Variants in DLG2 observed in about 807,000 individuals in gnomAD.
The protein encoded by DLG2 is disks large homolog 2.
Under a neutral mutation model 132.5 loss-of-function variants are expected in DLG2, and 45 were observed. That is an observed-to-expected ratio of 0.34 (90% CI 0.27 to 0.44). DLG2 has a LOEUF of 0.44. DLG2 is among the 20% of genes least tolerant of loss of function. The pLI, the probability that DLG2 is intolerant of heterozygous loss-of-function variation, is 1.00. For missense variants in DLG2, 1,045 were observed against 1,196.9 expected (o/e 0.87, Z 1.87); for synonymous variants, 424 against 419.6 (o/e 1.01, Z -0.13).
At position 84,445,058 on chromosome 11, in the gene DLG2, T is replaced by G. The variant is rs540353090; in HGVS notation, c.519+89512A>C. Among the ~76,000 whole-genome samples the G allele has an allele frequency of 5.3e-5, 8 of 152,272 alleles. No individual in the cohort carries two copies. In the South Asian group the frequency reaches 1.7e-3, roughly 32 times the overall value. On this transcript the variant is annotated intron_variant, in intron 7 of 27. Coordinates refer to ENST00000376104, the MANE Select transcript of DLG2 (RefSeq NM_001142699.3). ...CCTCAGGCAGACCAGGTAATCCGCCTGCCTCGGCTTCCCAAAGTACTGGGA... is the reference window on the plus strand; with the variant it reads ...CCTCAGGCAGACCAGGTAATCCGCCGGCCTCGGCTTCCCAAAGTACTGGGA...
chr11:84,084,730 T>C (rs1594892685), intron 10 of DLG2, among the ~76,000 whole-genome samples: 1 of 145,160 alleles, frequency 6.9e-6, no homozygotes, highest in African/African-American at 2.9e-5. Context: ...TTTTTGTTAA[T>C]TTATTCTATT....
At chr11:85,438,789 T>G (rs2091625270) in intron 3 of DLG2, among the ~76,000 whole-genome samples, 1 of 152,182 alleles carries the variant, frequency 6.6e-6, no homozygotes, top group East Asian at 1.9e-4. Flanking sequence ...ACTGAACAGC[T>G]GAATCGCAAG....
chr11:84,654,599 C>G (rs1408415244), intron 6 of DLG2, among the ~76,000 whole-genome samples: 2 of 152,120 alleles, frequency 1.3e-5, no homozygotes, highest in Non-Finnish European at 2.9e-5. Flanking sequence ...TACCATTTTT[C>G]CAACTGTATT....
At position 84,252,136 on chromosome 11, in the gene DLG2, CTTTCTT is replaced by C. The variant is rs2097388860; in HGVS notation, c.520-851_520-846del. ...GCGTGCTGTATCCTGTATTTTCTTT[CTTTCTT>C]TTTTTTTTTTTTTTTTTTTTTTTTT... On this transcript the variant is annotated intron_variant, in intron 7 of 27. Coordinates refer to ENST00000376104, the MANE Select transcript of DLG2 (RefSeq NM_001142699.3). Among the ~76,000 whole-genome samples, 47 of 101,060 alleles carry C rather than the reference CTTTCTT, an allele frequency of 4.7e-4. No homozygotes were observed. The South Asian group carries it at 0.014, about 30-fold the overall frequency. The allele number at this position is 101,060 out of a possible 152,430, so 66.3% of individuals were successfully genotyped here.
At chr11:83,570,196 C>T (rs1239641672) in intron 19 of DLG2, among the ~76,000 whole-genome samples, 1 of 152,268 alleles carries the variant, frequency 6.6e-6, no homozygotes, top group East Asian at 1.9e-4. Context: ...AACTCATATG[C>T]CGATTACAAG....
At chr11:85,378,237 A>T (rs1388394450) in intron 3 of DLG2, among the ~76,000 whole-genome samples, 1 of 152,148 alleles carries the variant, frequency 6.6e-6, no homozygotes, top group Non-Finnish European at 1.5e-5. Context: ...ACATATTTCC[A>T]TTCCTCTAGT....
intron 18 of DLG2, among the ~76,000 whole-genome samples, chr11:83,730,516 A>T (rs565105916): frequency 6.6e-6 from 1 of 152,246 alleles, no homozygotes; most frequent in African/African-American, 2.4e-5. Flanking sequence ...CAGCACATAG[A>T]TTTACAAAGA....
At chr11:84,476,099 ACTCT>A (rs1325331110) in intron 7 of DLG2, among the ~76,000 whole-genome samples, 7 of 152,082 alleles carry the variant, frequency 4.6e-5, no homozygotes, top group Non-Finnish European at 7.4e-5. Context: ...GTTATTATCT[ACTCT>A]CTAAGAACAT....
At position 84,606,958 on chromosome 11, in the gene DLG2, T is replaced by G. The variant is rs79440870; in HGVS notation, c.358-72227A>C. ...TGTGTTTTATTTACTACAAGTGTCA[T>G]ATTTGAAAGCATTTTATATGTTTCT... On this transcript the variant is annotated intron_variant, in intron 6 of 27. Transcript: ENST00000376104. Among the ~76,000 whole-genome samples, 171 of 152,294 alleles carry G rather than the reference T, an allele frequency of 1.1e-3. 4 individuals are homozygous for G. In the East Asian group the frequency reaches 0.03, roughly 26 times the overall value.
At chr11:84,138,851 A>G (rs1267127227) in intron 9 of DLG2, among the ~76,000 whole-genome samples, 1 of 150,674 alleles carries the variant, frequency 6.6e-6, no homozygotes, top group Non-Finnish European at 1.5e-5. Flanking sequence ...GGGGAGGCTG[A>G]GGCAGGAGAA....
At position 83,962,870 on chromosome 11, in the gene DLG2, A is replaced by G; in HGVS notation, c.1340+15T>C. 1 of 1,611,310 alleles carries G rather than the reference A, an allele frequency of 6.2e-7. No homozygotes were observed. ...TAATAAGAGCAAATCCAATTAACTA[A>G]CAGGCATATCTGACCTGGTGTAGTC... On this transcript the variant is annotated intron_variant, in intron 14 of 27. Coordinates refer to ENST00000376104, the MANE Select transcript of DLG2 (RefSeq NM_001142699.3).
intron 3 of DLG2, among the ~76,000 whole-genome samples, chr11:85,447,549 T>C (rs1215910489): frequency 6.6e-6 from 1 of 152,102 alleles, no homozygotes. Flanking sequence ...AAACCAACCT[T>C]GCCAACCATT....
At chr11:85,399,445 G>A (rs1376781037) in intron 3 of DLG2, among the ~76,000 whole-genome samples, 1 of 152,086 alleles carries the variant, frequency 6.6e-6, no homozygotes, top group Non-Finnish European at 1.5e-5. Flanking sequence ...AAGTTCATAT[G>A]GAACCAAAAA....
intron 5 of DLG2, among the ~76,000 whole-genome samples, chr11:85,123,701 T>A (rs555165383): frequency 1.6e-4 from 25 of 152,328 alleles, no homozygotes; most frequent in African/African-American, 5.3e-4. Context: ...ATTCATTTAC[T>A]CTCAAACCCG....
At chr11:84,063,837 A>G (rs919814326) in intron 10 of DLG2, among the ~76,000 whole-genome samples, 1 of 152,144 alleles carries the variant, frequency 6.6e-6, no homozygotes, top group African/African-American at 2.4e-5. Context: ...GCTGGAAACC[A>G]TCAATCTCAG....
chr11:83,777,791 G>A (rs1389781987), intron 18 of DLG2, among the ~76,000 whole-genome samples: 2 of 151,946 alleles, frequency 1.3e-5, no homozygotes, highest in Non-Finnish European at 2.9e-5. Context: ...TAAAATGTAT[G>A]GGGAAAAAAG....
chr11:83,865,762 C>T (rs1218696888), intron 16 of DLG2, among the ~76,000 whole-genome samples: 1 of 152,126 alleles, frequency 6.6e-6, no homozygotes, highest in Non-Finnish European at 1.5e-5. Context: ...GTCAAGACCA[C>T]AGAGCTCTGA....
At chr11:84,224,563 T>C (rs949456810) in intron 8 of DLG2, among the ~76,000 whole-genome samples, 2 of 152,188 alleles carry the variant, frequency 1.3e-5, no homozygotes, top group Non-Finnish European at 2.9e-5. Context: ...TTTCTCAATA[T>C]TTTATACATA....
intron 17 of DLG2, among the ~76,000 whole-genome samples, chr11:83,793,261 CATAG>C (rs780581352): frequency 3.9e-5 from 6 of 152,220 alleles, no homozygotes; most frequent in East Asian, 1.9e-4. Flanking sequence ...TATTTCATAT[CATAG>C]ATAGAGTGAA....
Sources: gnomAD v4.1 joint callset for allele counts (sites outside exome capture counted in the v4.1 genomes callset) on GRCh38, gnomAD v4.1.1 for gene constraint, MANE v1.5 for transcripts, NCBI Gene and HGNC (gene_info 2026-07-23, HGNC 2026-07-21) for gene names.